Variants in MEIG1 observed in about 807,000 individuals in gnomAD.
MEIG1 encodes meiosis expressed gene 1 protein homolog.
In MEIG1, 12 loss-of-function variants were observed where a neutral mutation model predicts 11.3. The ratio of observed to expected loss-of-function variants is 1.07; its 90% CI spans 0.68 to 1.73. The LOEUF is 1.73. MEIG1 is among the 40% of genes most tolerant of loss of function. The pLI, the probability that MEIG1 is intolerant of heterozygous loss-of-function variation, is 0.00. For synonymous variants in MEIG1, 41 were observed against 33.2 expected (o/e 1.24, Z -0.81); for missense variants, 119 against 104.9 (o/e 1.13, Z -0.59).
rs538854807 is a variant in MEIG1 at position 14,987,173 on chromosome 10, G to A, written n.285+159G>A. 15 of 939,258 alleles carry A rather than the reference G, an allele frequency of 1.6e-5. 1 individual carries two copies. The African/African-American group carries it at 2.1e-4, about 13-fold the overall frequency. 58.2% of individuals were successfully genotyped at this position (939,258 alleles called of 1,614,324 possible). On this transcript the variant is annotated intron_variant and non_coding_transcript_variant, in intron 2 of 2. Coordinates refer to the MEIG1 transcript ENST00000467536. ...CGCATGAGAGATGACTCTGCTATGC[G>A]ACTGCATGTCCACAGTCACCTTGGG...
intron 1 of MEIG1, among the ~76,000 whole-genome samples, chr10:14,977,870 A>G (rs1317913665): frequency 1.3e-5 from 2 of 151,898 alleles, no homozygotes; most frequent in Admixed American, 1.3e-4. Flanking sequence ...TATCACCGTG[A>G]GTTTACACCC....
chr10:14,987,024 C>T, intron 2 of MEIG1: 5 of 623,826 alleles, frequency 8.0e-6, no homozygotes, highest in Middle Eastern at 3.0e-4. Context: ...GGTGAGGATT[C>T]ATGATGACTG....
chr10:14,961,549 C>G (rs1337369137), intron 1 of MEIG1, among the ~76,000 whole-genome samples: 1 of 151,626 alleles, frequency 6.6e-6, no homozygotes, highest in Non-Finnish European at 1.5e-5. Context: ...TGGCTCACCG[C>G]AACCTCCGTC....
At chr10:14,959,796 G>C (rs1842990736) in intron 1 of MEIG1, among the ~76,000 whole-genome samples, 1 of 152,208 alleles carries the variant, frequency 6.6e-6, no homozygotes, top group African/African-American at 2.4e-5. Flanking sequence ...TTTCCGGGCC[G>C]CCCCGGACCC....
At chr10:14,980,912 C>T (rs532535942) in intron 1 of MEIG1, among the ~76,000 whole-genome samples, 2 of 152,266 alleles carry the variant, frequency 1.3e-5, no homozygotes, top group South Asian at 4.1e-4. Flanking sequence ...GCAACCCCAA[C>T]AATGTGGACG....
chr10:14,986,883 T>C (rs921031674), exon 2 of MEIG1: 17 of 487,436 alleles, frequency 3.5e-5, no homozygotes, highest in African/African-American at 6.0e-5. Context: ...AGTTGAGAAG[T>C]TGAGAGGGGT....
intron 1 of MEIG1, among the ~76,000 whole-genome samples, chr10:14,979,878 T>G (rs1210586606): frequency 6.6e-6 from 1 of 152,038 alleles, no homozygotes; most frequent in East Asian, 1.9e-4. Context: ...ATACTATTCG[T>G]TATATCGTAG....
rs185158238 is a variant in MEIG1 at position 14,986,587 on chromosome 10, A to G, written n.67-209A>G. ...TTCGTAGCGTCTGCTAACCTCCTTT[A>G]TACTTTCCACCTTACTCAGATTCCT... On this transcript the variant is annotated intron_variant and non_coding_transcript_variant, in intron 1 of 2. Coordinates refer to the MEIG1 transcript ENST00000467536. 3.2e-3 allele frequency among the ~76,000 whole-genome samples: 494 copies of G among 152,172 alleles called. 5 individuals carry two copies. The highest frequency in any genetic ancestry group is 0.011 in the African/African-American group (464 of 41,506).
At chr10:14,970,396 T>C (rs1030012866) in intron 2 of MEIG1, 3 of 152,280 alleles carry the variant, frequency 2.0e-5, no homozygotes, top group South Asian at 2.1e-4. Context: ...GATTGTCCCA[T>C]ATCAAGTAGC....
downstream of MEIG1, among the ~76,000 whole-genome samples, chr10:14,974,558 G>T (rs1274713727): frequency 6.6e-6 from 1 of 152,068 alleles, no homozygotes; most frequent in Admixed American, 6.6e-5. Context: ...TAAACCAGCT[G>T]TCGAGGGAGG....
At chr10:14,984,792 T>A (rs113615127) in intron 1 of MEIG1, among the ~76,000 whole-genome samples, 5,119 of 152,170 alleles carry the variant, frequency 0.034, 283 homozygotes, top group African/African-American at 0.12. Context: ...TTTTGTGGGA[T>A]GTTACCCCTG....
intron 1 of MEIG1, among the ~76,000 whole-genome samples, chr10:14,984,996 A>T (rs1372810301): frequency 2.0e-5 from 3 of 152,148 alleles, no homozygotes; most frequent in Non-Finnish European, 2.9e-5. Flanking sequence ...TACTCATTTC[A>T]CAATGCGTGT....
At chr10:14,961,004 G>A (rs560639827) in intron 1 of MEIG1, among the ~76,000 whole-genome samples, 1 of 152,220 alleles carries the variant, frequency 6.6e-6, no homozygotes, top group South Asian at 2.1e-4. Flanking sequence ...GCTCCAGCCT[G>A]AGCAACAAGA....
intron 2 of MEIG1, chr10:14,970,633 G>C (rs1168283107): frequency 6.6e-6 from 1 of 152,250 alleles, no homozygotes; most frequent in African/African-American, 2.4e-5. Flanking sequence ...GCCTGCCAAG[G>C]CTTCTCAGAT....
At position 14,987,548 on chromosome 10, in the gene MEIG1, G is replaced by A. The variant is rs745819159; in HGVS notation, n.286-240G>A. 1.2e-5 allele frequency: 8 copies of A among 647,868 alleles called. No individual in the cohort carries two copies. The African/African-American group carries it at 1.5e-4, about 12-fold the overall frequency. 40.1% of individuals were successfully genotyped at this position (647,868 alleles called of 1,614,324 possible). A position where few individuals can be genotyped will look rare whatever the true frequency, so the allele number is the denominator to read the frequency against. On this transcript the variant is annotated intron_variant and non_coding_transcript_variant, in intron 2 of 2. Transcript: ENST00000467536. ...ATTCACAAGGAACATCTTTACACTT[G>A]CAGACCATACACCACCAGCAATGTT...
chr10:14,970,679 T>A (rs979807931), intron 2 of MEIG1: 1 of 152,126 alleles, frequency 6.6e-6, no homozygotes, highest in Non-Finnish European at 1.5e-5. Flanking sequence ...CATAAGTAAA[T>A]GAGATGACAC....
chr10:14,959,010 T>A (rs1842979774), upstream of MEIG1, among the ~76,000 whole-genome samples: 1 of 152,240 alleles, frequency 6.6e-6, no homozygotes. Context: ...ATTAAAGCTA[T>A]AGATATCATC....
downstream of MEIG1, among the ~76,000 whole-genome samples, chr10:14,976,087 C>T (rs770544578): frequency 2.0e-5 from 3 of 152,080 alleles, no homozygotes; most frequent in Non-Finnish European, 2.9e-5. Flanking sequence ...TCGCGGGGGG[C>T]GTCCGCCCCC....
upstream of MEIG1, among the ~76,000 whole-genome samples, chr10:14,954,953 T>A (rs952080874): frequency 6.6e-6 from 1 of 152,148 alleles, no homozygotes. Flanking sequence ...ATTTATTCAG[T>A]TGGGGTCTAG....
Sources: gnomAD v4.1 joint callset for allele counts (sites outside exome capture counted in the v4.1 genomes callset) on GRCh38, gnomAD v4.1.1 for gene constraint, MANE v1.5 for transcripts, NCBI Gene and HGNC (gene_info 2026-07-23, HGNC 2026-07-21) for gene names.